Variants in ANO4 observed in about 807,000 individuals in gnomAD.
The protein encoded by ANO4 is anoctamin 4.
Under a neutral mutation model 141.9 loss-of-function variants are expected in ANO4, and 69 were observed. That is an observed-to-expected ratio of 0.49 (90% CI 0.40 to 0.59). The LOEUF (loss-of-function observed/expected upper bound fraction) is 0.59. Among genes scored for constraint, ANO4 ranks in the 20% least tolerant of loss-of-function variants. ANO4 has a pLI of 0.00. For missense variants in ANO4, 894 were observed against 1,162.2 expected (o/e 0.77, Z 3.36); for synonymous variants, 350 against 394.3 (o/e 0.89, Z 1.33).
intron 1 of ANO4, among the ~76,000 whole-genome samples, chr12:100,889,386 G>T (rs1361510635): frequency 1.3e-5 from 2 of 152,196 alleles, no homozygotes; most frequent in South Asian, 4.2e-4. Context: ...AGTCCTTTGG[G>T]TATATACCCA....
At chr12:100,769,196 T>C (rs1032852997) in intron 3 of ANO4, among the ~76,000 whole-genome samples, 13 of 152,246 alleles carry the variant, frequency 8.5e-5, no homozygotes, top group African/African-American at 2.9e-4. Context: ...TACAAAATTA[T>C]TCATCCTCAC....
intron 8 of ANO4, among the ~76,000 whole-genome samples, chr12:101,005,693 G>T: frequency 6.6e-6 from 1 of 152,074 alleles, no homozygotes; most frequent in East Asian, 1.9e-4. Context: ...TTCGATAAAG[G>T]TATTTTATTT....
chr12:100,723,835 A>G (rs541568514), intron 1 of ANO4, among the ~76,000 whole-genome samples: 1 of 152,284 alleles, frequency 6.6e-6, no homozygotes, highest in Admixed American at 6.5e-5. Context: ...TAACATATGA[A>G]TTTTGGGAGG....
chr12:100,896,378 C>T (rs973206840), intron 1 of ANO4, among the ~76,000 whole-genome samples: 4 of 152,094 alleles, frequency 2.6e-5, no homozygotes, highest in African/African-American at 4.8e-5. Flanking sequence ...TGTCACAAGG[C>T]GAGGAACACC....
chr12:101,039,712 G>A (rs1343705593), intron 10 of ANO4, among the ~76,000 whole-genome samples: 1 of 152,100 alleles, frequency 6.6e-6, no homozygotes, highest in Non-Finnish European at 1.5e-5. Flanking sequence ...TAGCAGAATT[G>A]AATTTGAACT....
chr12:101,034,515 T>G (rs2047115166), intron 9 of ANO4, among the ~76,000 whole-genome samples: 1 of 151,922 alleles, frequency 6.6e-6, no homozygotes, highest in Admixed American at 6.6e-5. Flanking sequence ...GGATGGAAGT[T>G]AGAGGACAGG....
chr12:100,941,463 T>A (rs2042508326), intron 4 of ANO4, among the ~76,000 whole-genome samples: 1 of 152,224 alleles, frequency 6.6e-6, no homozygotes, highest in Non-Finnish European at 1.5e-5. Flanking sequence ...TTGCTTTTTT[T>A]ATCAGTGTTG....
At chr12:100,835,905 T>A (rs982501792) in intron 1 of ANO4, among the ~76,000 whole-genome samples, 4 of 152,122 alleles carry the variant, frequency 2.6e-5, no homozygotes, top group African/African-American at 9.7e-5. Flanking sequence ...AGCACTTACA[T>A]TATTTAATTA....
chr12:101,099,121 T>C (rs1201530596), intron 21 of ANO4, among the ~76,000 whole-genome samples: 1 of 152,164 alleles, frequency 6.6e-6, no homozygotes, highest in Non-Finnish European at 1.5e-5. Context: ...GGTGTTTGTG[T>C]GCCAAGAGAG....
chr12:100,961,749 T>C (rs182480003), intron 5 of ANO4, among the ~76,000 whole-genome samples: 1 of 152,350 alleles, frequency 6.6e-6, no homozygotes, highest in East Asian at 1.9e-4. Flanking sequence ...GGTGTGTACT[T>C]TCCACAGTCA....
upstream of ANO4, among the ~76,000 whole-genome samples, chr12:100,791,570 C>T (rs529210178): frequency 2.0e-5 from 3 of 152,292 alleles, no homozygotes; most frequent in Non-Finnish European, 2.9e-5. Flanking sequence ...AAAGAAGTTT[C>T]GGCTTCAACT....
At chr12:100,720,530 G>A (rs1291817077) in intron 1 of ANO4, among the ~76,000 whole-genome samples, 3 of 151,678 alleles carry the variant, frequency 2.0e-5, no homozygotes, top group East Asian at 2.0e-4. Context: ...AGTCTGAGCC[G>A]GTGTTGTTAT....
At chr12:101,078,205 G>A (rs1384245237) in intron 14 of ANO4, among the ~76,000 whole-genome samples, 1 of 152,022 alleles carries the variant, frequency 6.6e-6, no homozygotes, top group Non-Finnish European at 1.5e-5. Context: ...TATATTTATT[G>A]TTACCTTCTG....
At chr12:101,056,312 A>G (rs938777139) in intron 14 of ANO4, among the ~76,000 whole-genome samples, 1 of 151,922 alleles carries the variant, frequency 6.6e-6, no homozygotes. Flanking sequence ...AGGCTTCCAG[A>G]TATTTTGTTA....
chr12:100,918,201 C>T (rs181872674), intron 2 of ANO4, among the ~76,000 whole-genome samples: 2 of 152,274 alleles, frequency 1.3e-5, no homozygotes, highest in Admixed American at 6.5e-5. Flanking sequence ...GTGGTGCGCA[C>T]CTGTAGCCCT....
chr12:100,844,475 A>G (rs1342811756), intron 1 of ANO4, among the ~76,000 whole-genome samples: 1 of 152,100 alleles, frequency 6.6e-6, no homozygotes, highest in Admixed American at 6.6e-5. Context: ...CTGGTCCAGG[A>G]GAAAAAGGGT....
intron 24 of ANO4, among the ~76,000 whole-genome samples, chr12:101,115,500 C>G (rs966246730): frequency 6.6e-6 from 1 of 152,116 alleles, no homozygotes; most frequent in African/African-American, 2.4e-5. Flanking sequence ...GCCAATATTA[C>G]ATGACTAGAA....
intron 14 of ANO4, among the ~76,000 whole-genome samples, chr12:101,059,478 A>G (rs1350139163): frequency 6.6e-6 from 1 of 152,130 alleles, no homozygotes; most frequent in Non-Finnish European, 1.5e-5. Flanking sequence ...TCAGCTGTGA[A>G]TCCTTCTGGT....
rs79460894 is a variant in ANO4 at position 100,989,225 on chromosome 12, G to A, written c.734+1555G>A. ...TTCACAGACTGGCCTCAAAATCTTA[G>A]TTCGATCCTCAAGAGAAAGTGGGAA... On this transcript the variant is annotated intron_variant, in intron 8 of 27. Transcript: ENST00000392977. Among the ~76,000 whole-genome samples the A allele has an allele frequency of 5.3e-3, 809 of 152,258 alleles. 32 individuals carry two copies. In the East Asian group the frequency reaches 0.11, roughly 20 times the overall value.
Sources: gnomAD v4.1 joint callset for allele counts (sites outside exome capture counted in the v4.1 genomes callset) on GRCh38, gnomAD v4.1.1 for gene constraint, MANE v1.5 for transcripts, NCBI Gene and HGNC (gene_info 2026-07-23, HGNC 2026-07-21) for gene names.